FHL3: variants seen among roughly 807,000 people sequenced by gnomAD.
The protein encoded by FHL3 is four and a half LIM domains protein 3.
In FHL3, 21 loss-of-function variants were observed where a neutral mutation model predicts 34.3. That is an observed-to-expected ratio of 0.61 (90% confidence interval 0.43 to 0.88). FHL3 has a LOEUF of 0.88. FHL3 is among the 40% of genes least tolerant of loss of function. The pLI, the probability that FHL3 is intolerant of heterozygous loss-of-function variation, is 0.00. For synonymous variants in FHL3, 137 were observed against 144.6 expected (o/e 0.95, Z 0.38); for missense variants, 333 against 373.7 (o/e 0.89, Z 0.90).
chr1:38,005,328 C>T (rs1342771966), intron 1 of FHL3, 29 bp downstream of exon 1: 1 of 150,416 alleles, frequency 6.6e-6, no homozygotes, highest in Non-Finnish European at 1.5e-5. Context: ...ACCGCCAGGG[C>T]TGGGAGCCGG....
chr1:37,997,299 G>A lies in FHL3; in HGVS notation c.*106C>T, dbSNP rs1646543365. 1 of 1,227,968 alleles carries A rather than the reference G, an allele frequency of 8.1e-7. No individual in the cohort carries two copies. The highest frequency in any genetic ancestry group is 1.4e-5 in the South Asian group (1 of 69,914). The allele number at this position is 1,227,968 out of a possible 1,614,324, so 76.1% of individuals were successfully genotyped here. ...GAGACAATCCTGGAGCCCAGAAGGAGACCCATTTTTTTTGGCGGGGGGAGC... is the reference window on the plus strand; with the variant it reads ...GAGACAATCCTGGAGCCCAGAAGGAAACCCATTTTTTTTGGCGGGGGGAGC... On this transcript the variant is annotated 3_prime_UTR_variant, in exon 6 of 6. Coordinates refer to ENST00000373016, the MANE Select transcript of FHL3 (RefSeq NM_004468.5). This position sits in a 1 kb window ranked among gnomAD's most constrained non-coding sequence, Gnocchi z 4.3.
At chr1:38,000,590 TCAGA>T (rs980019950) in intron 1 of FHL3, among the ~76,000 whole-genome samples, 3 of 152,078 alleles carry the variant, frequency 2.0e-5, no homozygotes, top group African/African-American at 7.2e-5. Context: ...CGACCAAACC[TCAGA>T]CACTTTCCAT....
rs1400252966 is a variant in FHL3 at position 37,997,603 on chromosome 1, C to G, written c.689-44G>C. 1.2e-6 allele frequency: 2 copies of G among 1,612,734 alleles called. No homozygotes were observed. The highest frequency in any genetic ancestry group is 1.7e-6 in the Non-Finnish European group (2 of 1,179,234). On this transcript the variant is annotated intron_variant, in intron 5 of 5. Transcript: ENST00000373016. This position sits in a 1 kb window ranked among gnomAD's most constrained non-coding sequence, Gnocchi z 4.3. Reference sequence around the variant, plus strand: ...TTAGCTATGCAGATGTGGGGATGGTCCGGCCCTCAACCTCACCCAATACCA... The same window carrying G: ...TTAGCTATGCAGATGTGGGGATGGTGCGGCCCTCAACCTCACCCAATACCA...
rs752706606 is a variant in FHL3 at position 37,997,717 on chromosome 1, G to T, written c.655C>A (p.Pro219Thr). 4 of 1,614,136 alleles carry T rather than the reference G, an allele frequency of 2.5e-6. No individual in the cohort carries two copies. The highest frequency in any genetic ancestry group is 3.4e-6 in the Non-Finnish European group (4 of 1,180,020). The change falls in exon 5 of 6, where the codon CCT (proline) becomes ACT (threonine). Residue 219 changes from proline (P) to threonine (T), a missense_variant. Coordinates refer to ENST00000373016, the MANE Select transcript of FHL3 (RefSeq NM_004468.5). The surrounding 1 kb of genome is among the most constrained non-coding windows in gnomAD (Gnocchi z 4.3). Reference protein sequence around the residue: ...CVACFGELFAPKCSSCKRPIV... With the variant: ...CVACFGELFATKCSSCKRPIV... Reference sequence around the variant, plus strand: ...GGGCGCTTGCAGCTGCTGCACTTAGGTGCAAAGAGTTCTCCAAAACAGGCC... The same window carrying T: ...GGGCGCTTGCAGCTGCTGCACTTAGTTGCAAAGAGTTCTCCAAAACAGGCC...
At position 37,997,734 on chromosome 1, in the gene FHL3, A is replaced by G. The variant is rs528940688; in HGVS notation, c.638T>C (p.Phe213Ser). ...GCACTTAGGTGCAAAGAGTTCTCCA[A>G]AACAGGCCACACAGTAGGGATCTTC... The part of the protein sequence containing the change: ...RDEDPYCVAC[F>S]GELFAPKCSS... Residue 213 changes from phenylalanine (F) to serine (S), a missense_variant, in exon 5 of 6, where the codon TTT becomes TCT. Coordinates refer to ENST00000373016, the MANE Select transcript of FHL3 (RefSeq NM_004468.5). The surrounding 1 kb of genome is among the most constrained non-coding windows in gnomAD (Gnocchi z 4.3). The G allele has an allele frequency of 1.9e-5, 30 of 1,614,024 alleles. 1 individual carries two copies. In the South Asian group the frequency reaches 2.4e-4, roughly 13 times the overall value.
At chr1:38,002,535 ATTTTT>A (rs35702463) in intron 1 of FHL3, among the ~76,000 whole-genome samples, 1 of 106,758 alleles carries the variant, frequency 9.4e-6, no homozygotes. Context: ...TGCCAGCCCA[ATTTTT>A]TTTTTTTTTT....
chr1:38,000,966 C>T (rs1430972215), intron 1 of FHL3, among the ~76,000 whole-genome samples: 1 of 152,188 alleles, frequency 6.6e-6, no homozygotes, highest in African/African-American at 2.4e-5. Flanking sequence ...CTGGCTCAAG[C>T]TGAAGGAGAA....
At chr1:38,001,672 G>A (rs936079176) in intron 1 of FHL3, among the ~76,000 whole-genome samples, 10 of 152,194 alleles carry the variant, frequency 6.6e-5, no homozygotes, top group Admixed American at 2.0e-4. Flanking sequence ...CTTCCTGACC[G>A]GCAGTGGGGC....
rs1215195233 is a variant in FHL3, at chr1:37,997,113, T to C, written c.*292A>G. Reference sequence around the variant, plus strand: ...TTTGGAGGGCTCGGGTCTAGAGCCCTGATTTGGGGAGAGGACTCAGTCTGG... The same window carrying C: ...TTTGGAGGGCTCGGGTCTAGAGCCCCGATTTGGGGAGAGGACTCAGTCTGG... On this transcript the variant is annotated 3_prime_UTR_variant, in exon 6 of 6. Transcript: ENST00000373016. The surrounding 1 kb of genome is among the most constrained non-coding windows in gnomAD (Gnocchi z 4.3). 2 of 349,758 alleles carry C rather than the reference T, an allele frequency of 5.7e-6. No individual in the cohort carries two copies. Among genetic ancestry groups the C allele is most frequent in the East Asian group, 1.1e-4 (2 of 17,670 alleles). The allele number at this position is 349,758 out of a possible 1,614,324, so 21.7% of individuals were successfully genotyped here.
Position 37,999,382 on chromosome 1 carries a change from T to G in FHL3, c.31A>C (p.Asn11His). 1 of 1,614,230 alleles carries G rather than the reference T, an allele frequency of 6.2e-7. No homozygotes were observed. Among genetic ancestry groups the G allele is most frequent in the Non-Finnish European group, 8.5e-7 (1 of 1,180,036 alleles). Residue 11 changes from asparagine (N) to histidine (H), a missense_variant, in exon 2 of 6, where the codon AAC becomes CAC. Physicochemically the swap from Asn to His is moderately conservative, Grantham distance 68. Coordinates refer to ENST00000373016, the MANE Select transcript of FHL3 (RefSeq NM_004468.5). MSESFDCAKC[N>H]ESLYGRKYIQ... ...TACTTGCGTCCATACAGGGACTCGTTGCATTTTGCACAGTCAAATGACTCG... is the reference window on the plus strand; with the variant it reads ...TACTTGCGTCCATACAGGGACTCGTGGCATTTTGCACAGTCAAATGACTCG...
In FHL3 at chr1:37,999,023, G is replaced by C; in HGVS notation, c.282C>G (p.Cys94Trp). The C allele has an allele frequency of 3.1e-6, 5 of 1,614,256 alleles. No homozygotes were observed. The highest frequency in any genetic ancestry group is 4.2e-6 in the Non-Finnish European group (5 of 1,180,052). Residue 94 changes from cysteine (C) to tryptophan (W), a missense_variant, in exon 3 of 6, where the codon TGC becomes TGG. By Grantham distance (215) the Cys-to-Trp change is radical (BLOSUM62 -2). Coordinates refer to ENST00000373016, the MANE Select transcript of FHL3 (RefSeq NM_004468.5). ...CGGAGCACTGCGAGGAAAACGCACT[G>C]CAGTAGCAGTCATTGCAGAGCAGCT... ...DSELLCNDCY[C>W]SAFSSQCSAC...
At position 37,999,287 on chromosome 1, in the gene FHL3, C is replaced by T. The variant is rs781719610; in HGVS notation, c.126G>A (p.Glu42=). Residue 42 remains glutamate (E), a synonymous_variant, in exon 2 of 6, where the codon GAG becomes GAA. Coordinates refer to ENST00000373016, the MANE Select transcript of FHL3 (RefSeq NM_004468.5). ...YDNTFANTCA[E]CQQLIGHDSR... is the part of the protein sequence containing the mutation. ...AGTCATGCCCGATAAGCTGCTGGCA[C>T]TCAGCACAGGTGTTGGCAAAGGTAT... 2 of 1,614,116 alleles carry T rather than the reference C, an allele frequency of 1.2e-6. No individual in the cohort carries two copies. Among genetic ancestry groups the T allele is most frequent in the African/African-American group, 2.7e-5 (2 of 74,926 alleles).
Position 37,998,143 on chromosome 1 carries a change from CA to C in FHL3, c.332-12del. 6.2e-7 allele frequency: 1 copy of C among 1,613,154 alleles called. No homozygotes were observed. The highest frequency in any genetic ancestry group is 1.7e-5 in the Admixed American group (1 of 59,872). ...CCAGCTTCCGGGACCCTGTGGGGAA[CA>C]GGGGTCCCATTTAGAGGTTGTGTCC... On this transcript the variant is annotated splice_polypyrimidine_tract_variant and intron_variant, in intron 3 of 5. Coordinates refer to ENST00000373016, the MANE Select transcript of FHL3 (RefSeq NM_004468.5).
Position 37,997,519 on chromosome 1 carries a change from G to A in FHL3, c.729C>T (p.His243=). The change falls in exon 6 of 6, where the codon CAC becomes CAT. Residue 243 remains histidine, a synonymous_variant. Transcript: ENST00000373016. The surrounding 1 kb of genome is among the most constrained non-coding windows in gnomAD (Gnocchi z 4.3). The part of the protein sequence containing the change: ...GGKYVSFEDR[H]WHHNCFSCAR... ...CGCAGGAGAAGCAGTTGTGGTGCCA[G>A]TGTCGGTCTTCAAAGGACACATACT... 1.2e-6 allele frequency: 2 copies of A among 1,613,122 alleles called. No homozygotes were observed. Among genetic ancestry groups the A allele is most frequent in the Middle Eastern group, 3.3e-4 (2 of 6,048 alleles).
chr1:38,004,619 G>A (rs1646625519), intron 1 of FHL3, among the ~76,000 whole-genome samples: 1 of 152,100 alleles, frequency 6.6e-6, no homozygotes. Context: ...ATGCCTCTGT[G>A]GATCTCAAGT....
chr1:38,004,191 G>T lies in FHL3; in HGVS notation c.-21+1166C>A, dbSNP rs118003086. Among the ~76,000 whole-genome samples, 58 of 152,282 alleles carry T rather than the reference G, an allele frequency of 3.8e-4. No homozygotes were observed. In the East Asian group the frequency reaches 8.1e-3, roughly 21 times the overall value. ...GAAGGGGGTTGGGGAGCAAGATCCC[G>T]CAGCTGCTCTGGGGACATGAGAGGA... On this transcript the variant is annotated intron_variant, in intron 1 of 5. Transcript: ENST00000373016.
chr1:38,005,088 C>A (rs1646630513), intron 1 of FHL3, among the ~76,000 whole-genome samples: 1 of 152,154 alleles, frequency 6.6e-6, no homozygotes, highest in African/African-American at 2.4e-5. Context: ...CTGTCTCTCT[C>A]CGGCTTTTCT....
chr1:37,999,156 G>A lies in FHL3; in HGVS notation c.157-8C>T. 1 of 1,614,156 alleles carries A rather than the reference G, an allele frequency of 6.2e-7. No individual in the cohort carries two copies. The highest frequency in any genetic ancestry group is 8.5e-7 in the Non-Finnish European group (1 of 1,180,008). ...GTCTTCATAGAACAGCTCCTGTGGG[G>A]AACACAGCAGGGGCACTGGCACCCA... On this transcript the variant is annotated splice_region_variant and splice_polypyrimidine_tract_variant and intron_variant, in intron 2 of 5. Coordinates refer to ENST00000373016, the MANE Select transcript of FHL3 (RefSeq NM_004468.5).
rs1260145538 is a variant in FHL3 at position 37,999,046 on chromosome 1, G to C, written c.259C>G (p.Leu87Val). The change falls in exon 3 of 6, where the codon CTG becomes GTG. Residue 87 changes from leucine to valine, a missense_variant. Coordinates refer to ENST00000373016, the MANE Select transcript of FHL3 (RefSeq NM_004468.5). ...DEPFTCQDSE[L>V]LCNDCYCSAF... The stretch of plus-strand genomic sequence containing the variant: ...CTGCAGTAGCAGTCATTGCAGAGCA[G>C]CTCACTGTCCTGGCAGGTGAAGGGT... 1 of 1,614,258 alleles carries C rather than the reference G, an allele frequency of 6.2e-7. No homozygotes were observed.
Sources: allele counts gnomAD v4.1 joint callset (sites outside exome capture counted in the v4.1 genomes callset), GRCh38; gene constraint gnomAD v4.1.1; non-coding constraint Gnocchi (gnomAD v3.1); transcripts MANE v1.5; gene names NCBI Gene and HGNC (gene_info 2026-07-23, HGNC 2026-07-21).